AHCTF1: variants seen among roughly 807,000 people sequenced by gnomAD.
The protein encoded by AHCTF1 is protein ELYS.
AHCTF1 carries 24 observed loss-of-function variants against 248.4 expected under a neutral mutation model. The observed-to-expected ratio is 0.10, with a 90% CI of 0.07 to 0.14. The LOEUF (loss-of-function observed/expected upper bound fraction) is 0.14, where lower values mean the gene tolerates loss of function less well. AHCTF1 is among the 10% of genes least tolerant of loss of function. The pLI, the probability that AHCTF1 is intolerant of heterozygous loss-of-function variation, is 1.00. For missense variants in AHCTF1, 2,206 were observed against 2,636.2 expected (o/e 0.84, Z 3.57); for synonymous variants, 786 against 929.8 (o/e 0.85, Z 2.81).
chr1:246,931,329 T>C, intron 1 of AHCTF1: 2 of 1,545,364 alleles, frequency 1.3e-6, no homozygotes, highest in East Asian at 4.9e-5. Flanking sequence ...CGCCGCCATG[T>C]GCCGCCGCTC....
At chr1:246,931,388 T>A in intron 1 of AHCTF1, 190 bp downstream of exon 1, 13 of 1,509,056 alleles carry the variant, frequency 8.6e-6, no homozygotes, top group Non-Finnish European at 1.2e-5. Context: ...GAGCCTGCCG[T>A]ACCCGCCACC....
intron 24 of AHCTF1, among the ~76,000 whole-genome samples, chr1:246,874,640 C>A (rs1428102015): frequency 1.3e-5 from 2 of 152,124 alleles, no homozygotes; most frequent in African/African-American, 2.4e-5. Flanking sequence ...ACGTCTTGAA[C>A]CTCTCAATAA....
In AHCTF1 at chr1:246,902,588, A is replaced by G; in HGVS notation, c.1054T>C (p.Leu352=). The change falls in exon 8 of 36, where the codon TTG becomes CTG. Residue 352 remains leucine (L), a synonymous_variant. Transcript: ENST00000648844. The part of the protein sequence containing the change: ...LRGQTSNTKL[L]GCQSIEKFRS... ...AATTTCTCTATACTCTGGCATCCCA[A>G]CAATTTGGTATTACTCGTCTGTCCC... 1.9e-6 allele frequency: 3 copies of G among 1,612,402 alleles called. No individual in the cohort carries two copies. Among genetic ancestry groups the G allele is most frequent in the Non-Finnish European group, 2.5e-6 (3 of 1,179,808 alleles).
At chr1:246,909,247 TAAAAAAAAAA>T (rs34089730) in intron 4 of AHCTF1, among the ~76,000 whole-genome samples, 1 of 109,104 alleles carries the variant, frequency 9.2e-6, no homozygotes, top group East Asian at 2.7e-4. Context: ...TCGGCTCTAC[TAAAAAAAAAA>T]AAAAAAAAAA....
At chr1:246,868,727 T>C (rs1479987304) in intron 24 of AHCTF1, among the ~76,000 whole-genome samples, 7 of 152,074 alleles carry the variant, frequency 4.6e-5, no homozygotes, top group Non-Finnish European at 7.4e-5. Context: ...AGTCAAATCT[T>C]CTAAGAAAGG....
At chr1:246,885,716 A>G in intron 20 of AHCTF1, 36 bp from the exon 21 acceptor site, 1 of 1,543,674 alleles carries the variant, frequency 6.5e-7, no homozygotes, top group South Asian at 1.2e-5. Flanking sequence ...ATATAAATAT[A>G]ATCCTATACA....
At chr1:246,893,880 T>C (rs1418111093) in intron 14 of AHCTF1, among the ~76,000 whole-genome samples, 1 of 152,194 alleles carries the variant, frequency 6.6e-6, no homozygotes, top group Non-Finnish European at 1.5e-5. Flanking sequence ...ATGTTGCCAG[T>C]TTAATGACCT....
chr1:246,910,821 T>C (rs1295927535), intron 4 of AHCTF1, among the ~76,000 whole-genome samples: 1 of 152,122 alleles, frequency 6.6e-6, no homozygotes, highest in Non-Finnish European at 1.5e-5. Context: ...GTTCACACAA[T>C]GGGATACTAC....
At chr1:246,907,342 A>G (rs1453661704) in intron 5 of AHCTF1, among the ~76,000 whole-genome samples, 1 of 152,238 alleles carries the variant, frequency 6.6e-6, no homozygotes, top group Non-Finnish European at 1.5e-5. Flanking sequence ...ACTGAAAAAA[A>G]ATAAAGCTAA....
rs68194249 is a variant in AHCTF1 at position 246,920,142 on chromosome 1, CAAAAAAAA to C, written c.-7-1773_-7-1766del. On this transcript the variant is annotated intron_variant, in intron 1 of 35. Coordinates refer to ENST00000648844, the MANE Select transcript of AHCTF1 (RefSeq NM_001323342.2). ...CGACACAGTGAGACTCTGTCCCCCGCAAAAAAAAAAAAAAAAAAAAAAAAAAGAAAAGA... is the reference window on the plus strand; with the variant it reads ...CGACACAGTGAGACTCTGTCCCCCGCAAAAAAAAAAAAAAAAAAGAAAAGA... Among the ~76,000 whole-genome samples the C allele has an allele frequency of 4.7e-4, 19 of 40,804 alleles. No homozygotes were observed. The East Asian group carries it at 4.7e-3, about 10-fold the overall frequency. The allele number at this position is 40,804 out of a possible 152,430, so 26.8% of individuals were successfully genotyped here. A position where few individuals can be genotyped will look rare whatever the true frequency, so the allele number is the denominator to read the frequency against.
intron 1 of AHCTF1, among the ~76,000 whole-genome samples, chr1:246,926,729 C>G (rs1666941721): frequency 1.3e-5 from 2 of 152,070 alleles, no homozygotes; most frequent in Non-Finnish European, 2.9e-5. Flanking sequence ...GTGGCGCATG[C>G]CTATAATCCC....
chr1:246,842,016 G>C (rs1034224848), intron 35 of AHCTF1, among the ~76,000 whole-genome samples: 1 of 141,374 alleles, frequency 7.1e-6, no homozygotes, highest in Admixed American at 7.2e-5. Context: ...GGCTGGTCTT[G>C]AACTCCTGAC....
At chr1:246,922,798 C>G (rs376474185) in intron 1 of AHCTF1, among the ~76,000 whole-genome samples, 1 of 150,536 alleles carries the variant, frequency 6.6e-6, no homozygotes, top group Non-Finnish European at 1.5e-5. Context: ...CTGGATAACA[C>G]GGTGAAACCC....
At chr1:246,930,296 G>C (rs1158773218) in intron 1 of AHCTF1, among the ~76,000 whole-genome samples, 1 of 151,974 alleles carries the variant, frequency 6.6e-6, no homozygotes, top group Non-Finnish European at 1.5e-5. Flanking sequence ...GACTAGAGGC[G>C]CCACCAATTC....
At chr1:246,855,703 T>C in intron 31 of AHCTF1, 27 bp downstream of exon 31, 1 of 1,551,352 alleles carries the variant, frequency 6.4e-7, no homozygotes. Context: ...AATGGAATAA[T>C]CCTGAAGTCA....
intron 1 of AHCTF1, chr1:246,931,066 G>C (rs922546873): frequency 1.3e-6 from 2 of 1,533,836 alleles, no homozygotes; most frequent in African/African-American, 1.4e-5. Context: ...CTGACCAATC[G>C]GGTGAGCTGG....
chr1:246,917,801 A>T (rs1280552898), intron 2 of AHCTF1, among the ~76,000 whole-genome samples: 1 of 152,186 alleles, frequency 6.6e-6, no homozygotes, highest in South Asian at 2.1e-4. Context: ...GTATTACACA[A>T]TCTAAGTTAC....
At chr1:246,868,676 A>T (rs1662227604) in intron 24 of AHCTF1, among the ~76,000 whole-genome samples, 1 of 151,920 alleles carries the variant, frequency 6.6e-6, no homozygotes, top group Admixed American at 6.6e-5. Context: ...CCTTCAACTG[A>T]AATAGGAGTT....
chr1:246,893,364 ATAACT>A (rs1664351451), intron 14 of AHCTF1, among the ~76,000 whole-genome samples: 1 of 152,232 alleles, frequency 6.6e-6, no homozygotes, highest in African/African-American at 2.4e-5. Flanking sequence ...TCTACTAAGA[ATAACT>A]TAACTTACAT....
Sources: gnomAD v4.1 joint callset for allele counts (sites outside exome capture counted in the v4.1 genomes callset) on GRCh38, gnomAD v4.1.1 for gene constraint, MANE v1.5 for transcripts, NCBI Gene and HGNC (gene_info 2026-07-23, HGNC 2026-07-21) for gene names.